Variants in LYPLA1 observed in about 807,000 individuals in gnomAD.
LYPLA1 encodes the protein acyl-protein thioesterase 1.
LYPLA1 carries 17 observed loss-of-function variants against 34.0 expected under a neutral mutation model. The observed-to-expected ratio is 0.50, with a 90% CI of 0.34 to 0.75. The LOEUF is 0.75. Ranked by LOEUF, LYPLA1 falls within the 30% of genes least tolerant of loss-of-function variation. The probability of loss-of-function intolerance (pLI) is 0.01; values close to 1 mark genes in which losing one functional copy is unlikely to be tolerated. For missense variants in LYPLA1, 203 were observed against 288.8 expected (o/e 0.70, Z 2.15); for synonymous variants, 98 against 100.8 (o/e 0.97, Z 0.17).
At chr8:54,084,133 A>AAAAAAAAAAAAAAAATTTTTATATAT (rs1373090573) in intron 2 of LYPLA1, among the ~76,000 whole-genome samples, 3 of 120,484 alleles carry the variant, frequency 2.5e-5, no homozygotes, top group African/African-American at 4.6e-5. Flanking sequence ...AGAAAAAAAA[A>AAAAAAAAAAAAAAAATTTTTATATAT]ATAAATAAAT....
intron 2 of LYPLA1, among the ~76,000 whole-genome samples, chr8:54,075,732 C>A (rs527976885): frequency 1.6e-4 from 25 of 152,160 alleles, no homozygotes; most frequent in Non-Finnish European, 2.6e-4. Flanking sequence ...CACTCTGACA[C>A]AGTTACATAT....
chr8:54,048,848 A>G (rs561108693), intron 8 of LYPLA1, among the ~76,000 whole-genome samples: 1 of 152,300 alleles, frequency 6.6e-6, no homozygotes, highest in Middle Eastern at 3.4e-3. Context: ...CTGAAGTCCC[A>G]AAGAGTTTCC....
At chr8:54,076,483 TTA>T (rs1226986600) in intron 2 of LYPLA1, among the ~76,000 whole-genome samples, 2 of 152,204 alleles carry the variant, frequency 1.3e-5, no homozygotes, top group Non-Finnish European at 2.9e-5. Flanking sequence ...GCCTTTGCTT[TTA>T]TATCTCTTTG....
intron 8 of LYPLA1, among the ~76,000 whole-genome samples, chr8:54,049,411 TTTC>T (rs528827585): frequency 6.4e-4 from 97 of 152,240 alleles, no homozygotes; most frequent in African/African-American, 2.2e-3. Flanking sequence ...CCATCCTTTC[TTTC>T]TTTTTTTTAG....
Position 54,047,985 on chromosome 8 carries a change from T to G in LYPLA1, c.*80A>C. 1 of 950,868 alleles carries G rather than the reference T, an allele frequency of 1.1e-6. No individual in the cohort carries two copies. The highest frequency in any genetic ancestry group is 1.5e-5 in the South Asian group (1 of 68,946). The allele number at this position is 950,868 out of a possible 1,614,324, so 58.9% of individuals were successfully genotyped here. On this transcript the variant is annotated 3_prime_UTR_variant, in exon 9 of 9. Transcript: ENST00000316963. ...TTTAACACTGCAAAACATTAGAAATTTGAAGACTGGGCATGGGAAAAGGTT... is the reference window on the plus strand; with the variant it reads ...TTTAACACTGCAAAACATTAGAAATGTGAAGACTGGGCATGGGAAAAGGTT...
intron 2 of LYPLA1, among the ~76,000 whole-genome samples, chr8:54,084,960 G>T (rs964612246): frequency 1.3e-5 from 2 of 151,600 alleles, no homozygotes; most frequent in Admixed American, 1.3e-4. Flanking sequence ...AATGTTTAAA[G>T]AATCCTCCTC....
chr8:54,052,002 C>G (rs992190743), intron 7 of LYPLA1, among the ~76,000 whole-genome samples: 4 of 151,912 alleles, frequency 2.6e-5, no homozygotes, highest in African/African-American at 9.7e-5. Flanking sequence ...AGGTGTGCAC[C>G]ACGACGCCCA....
chr8:54,058,563 C>A (rs372939413), intron 5 of LYPLA1, among the ~76,000 whole-genome samples: 38 of 151,712 alleles, frequency 2.5e-4, no homozygotes, highest in African/African-American at 4.8e-4. Flanking sequence ...CAAAAAAAAA[C>A]CAGAATAAAT....
At chr8:54,101,539 G>A (rs1586197701) in intron 1 of LYPLA1, 2 of 1,144,086 alleles carry the variant, frequency 1.7e-6, no homozygotes, top group South Asian at 4.4e-5. Context: ...GCAATGCAGG[G>A]AGGAGCTGGG....
chr8:54,076,818 TA>T (rs1807941313), intron 2 of LYPLA1, among the ~76,000 whole-genome samples: 1 of 152,168 alleles, frequency 6.6e-6, no homozygotes, highest in African/African-American at 2.4e-5. Flanking sequence ...TTAATTAATT[TA>T]ATACCTATAG....
chr8:54,053,528 C>T (rs1410389638), intron 6 of LYPLA1: 6 of 444,154 alleles, frequency 1.4e-5, no homozygotes, highest in Non-Finnish European at 2.7e-5. Context: ...CATCCAGAAG[C>T]CCCATCACTC....
intron 5 of LYPLA1, among the ~76,000 whole-genome samples, chr8:54,056,711 A>G (rs2129327904): frequency 6.6e-6 from 1 of 152,282 alleles, no homozygotes; most frequent in East Asian, 1.9e-4. Flanking sequence ...TCAAGTGATC[A>G]AGACCATCCT....
intron 8 of LYPLA1, among the ~76,000 whole-genome samples, 189 bp from the exon 9 acceptor site, chr8:54,048,307 G>A (rs1229599982): frequency 1.3e-5 from 2 of 152,122 alleles, no homozygotes; most frequent in Admixed American, 1.3e-4. Flanking sequence ...CATGATTATT[G>A]TACACTGAAA....
rs76436990 is a variant in LYPLA1 at position 54,078,878 on chromosome 8, ACC to A, written c.102-13067_102-13066del. Among the ~76,000 whole-genome samples the A allele has an allele frequency of 4.9e-3, 693 of 141,730 alleles. 6 individuals are homozygous for A. Among genetic ancestry groups the A allele is most frequent in the African/African-American group, 0.018 (610 of 34,292 alleles). 93.0% of individuals were successfully genotyped at this position (141,730 alleles called of 152,430 possible). On this transcript the variant is annotated intron_variant, in intron 2 of 8. Transcript: ENST00000316963. ...GGTCTATGCAAGTCTATGTTCAACA[ACC>A]CCCCCCCTTTTTTTTTGCTTTTTAT... is the stretch of plus-strand genomic sequence containing the variant.
At chr8:54,072,960 A>G (rs908163113) in intron 2 of LYPLA1, among the ~76,000 whole-genome samples, 4 of 151,548 alleles carry the variant, frequency 2.6e-5, no homozygotes, top group Non-Finnish European at 4.4e-5. Flanking sequence ...AAAGACATAC[A>G]TGTGGCCAAC....
chr8:54,049,738 TGAA>T (rs1197852368), intron 8 of LYPLA1, among the ~76,000 whole-genome samples: 1 of 152,168 alleles, frequency 6.6e-6, no homozygotes, highest in Non-Finnish European at 1.5e-5. Context: ...CTGATCCCAC[TGAA>T]GAACAGATTT....
intron 2 of LYPLA1, among the ~76,000 whole-genome samples, chr8:54,089,830 GCT>G (rs1358773471): frequency 6.6e-6 from 1 of 152,102 alleles, no homozygotes; most frequent in Non-Finnish European, 1.5e-5. Flanking sequence ...ATACGGTTTG[GCT>G]GTGTCCCTGC....
chr8:54,087,989 A>C (rs1286639643), intron 2 of LYPLA1, among the ~76,000 whole-genome samples: 17 of 152,178 alleles, frequency 1.1e-4, no homozygotes. Flanking sequence ...ATTTGTCCCG[A>C]CTGGCTAGCA....
Position 54,080,444 on chromosome 8 carries a change from T to C in LYPLA1, c.102-14631A>G, listed in dbSNP as rs532649763. Among the ~76,000 whole-genome samples, 6 of 152,336 alleles carry C rather than the reference T, an allele frequency of 3.9e-5. No homozygotes were observed. The East Asian group carries it at 1.2e-3, about 29-fold the overall frequency. On this transcript the variant is annotated intron_variant, in intron 2 of 8. Coordinates refer to ENST00000316963, the MANE Select transcript of LYPLA1 (RefSeq NM_006330.4). ...TTATGTTCCTCAAAACATTACTACA[T>C]ATAATAAAAGCTTGACCTATATCAT...
Sources: allele counts gnomAD v4.1 joint callset (sites outside exome capture counted in the v4.1 genomes callset), GRCh38; gene constraint gnomAD v4.1.1; transcripts MANE v1.5; gene names NCBI Gene and HGNC (gene_info 2026-07-23, HGNC 2026-07-21).